Variants in NRXN1 observed in about 807,000 individuals in gnomAD.
NRXN1 encodes the protein neurexin-1.
A neutral mutation model predicts 150.9 loss-of-function variants in NRXN1; 39 were observed. That is an observed-to-expected ratio of 0.26 (90% CI 0.20 to 0.34). The LOEUF (loss-of-function observed/expected upper bound fraction) is 0.34, where lower values mean the gene tolerates loss of function less well. Ranked by LOEUF, NRXN1 falls within the 10% of genes least tolerant of loss-of-function variation. The pLI is 1.00. For missense variants in NRXN1, 1,815 were observed against 1,949.9 expected, an observed-to-expected ratio of 0.93 and a Z score of 1.30; for synonymous variants, 924 against 757.0, an observed-to-expected ratio of 1.22 and a Z score of -3.62.
intron 5 of NRXN1, among the ~76,000 whole-genome samples, chr2:50,794,106 T>C (rs1706447912): frequency 6.6e-6 from 1 of 152,206 alleles, no homozygotes; most frequent in South Asian, 2.1e-4. Context: ...ATGCCAATAG[T>C]TCTGAGGCTG....
intron 10 of NRXN1, among the ~76,000 whole-genome samples, chr2:50,532,700 C>A (rs1189926892): frequency 6.6e-6 from 1 of 151,988 alleles, no homozygotes; most frequent in Non-Finnish European, 1.5e-5. Flanking sequence ...TGTTACTAAA[C>A]TAAGGCAGAT....
At chr2:50,951,962 TA>T (rs1453427748) in intron 2 of NRXN1, among the ~76,000 whole-genome samples, 2,775 of 84,228 alleles carry the variant, frequency 0.033, 95 homozygotes, top group East Asian at 0.19. Flanking sequence ...TATATATATA[TA>T]TTTTTTTTTT....
chr2:50,759,362 TA>T (rs994826619), intron 5 of NRXN1, among the ~76,000 whole-genome samples: 1 of 151,880 alleles, frequency 6.6e-6, no homozygotes, highest in African/African-American at 2.4e-5. Context: ...AATATGTTCT[TA>T]AAAAGCCATG....
chr2:50,996,899 C>G (rs186487533), intron 2 of NRXN1, among the ~76,000 whole-genome samples: 1 of 152,048 alleles, frequency 6.6e-6, no homozygotes, highest in Admixed American at 6.6e-5. Context: ...GGGGAGTAAT[C>G]ATTCCACAGC....
chr2:50,908,384 C>CACA (rs1242069494), intron 5 of NRXN1, among the ~76,000 whole-genome samples: 16 of 151,622 alleles, frequency 1.1e-4, no homozygotes, highest in Admixed American at 9.2e-4. Flanking sequence ...CACACACACA[C>CACA]AACCACACCC....
rs75430501 is a variant in NRXN1, at chr2:50,652,988, C to A, written c.833-29373G>T. ...TGTTGTTTCTGTTTTATTTTGTTTT[C>A]ATTCCTCGTTTTAGTATTCCTTGAC... On this transcript the variant is annotated intron_variant, in intron 5 of 22. Coordinates refer to ENST00000401669, the MANE Select transcript of NRXN1 (RefSeq NM_001330078.2). Among the ~76,000 whole-genome samples the A allele has an allele frequency of 7.7e-4, 117 of 152,066 alleles. No individual in the cohort carries two copies. The East Asian group carries it at 0.021, about 27-fold the overall frequency.
chr2:50,192,747 C>T (rs2061525571), intron 18 of NRXN1, among the ~76,000 whole-genome samples: 2 of 152,086 alleles, frequency 1.3e-5, no homozygotes, highest in Non-Finnish European at 2.9e-5. Context: ...GCTGGGATTA[C>T]AGACATGCAC....
chr2:50,635,767 G>C (rs1215259876), intron 5 of NRXN1, among the ~76,000 whole-genome samples: 1 of 152,198 alleles, frequency 6.6e-6, no homozygotes, highest in Non-Finnish European at 1.5e-5. Context: ...GTAGATAAGG[G>C]AGGTGGGAAG....
chr2:50,302,963 A>G (rs1355219688), intron 17 of NRXN1, among the ~76,000 whole-genome samples: 1 of 152,142 alleles, frequency 6.6e-6, no homozygotes, highest in African/African-American at 2.4e-5. Flanking sequence ...TCATTTGTTC[A>G]TCCATCAACG....
chr2:50,369,085 G>A (rs751185131), intron 17 of NRXN1, among the ~76,000 whole-genome samples: 2 of 151,792 alleles, frequency 1.3e-5, no homozygotes, highest in Non-Finnish European at 1.5e-5. Context: ...ATAACTCATC[G>A]CCAAGTACCT....
intron 17 of NRXN1, among the ~76,000 whole-genome samples, chr2:50,377,138 G>A (rs1315688797): frequency 6.6e-6 from 1 of 151,956 alleles, no homozygotes; most frequent in African/African-American, 2.4e-5. Flanking sequence ...AGGATGTGCA[G>A]GTTTGTTATG....
intron 17 of NRXN1, among the ~76,000 whole-genome samples, chr2:50,309,894 C>G (rs573022343): frequency 6.6e-6 from 1 of 152,136 alleles, no homozygotes; most frequent in Admixed American, 6.6e-5. Flanking sequence ...GAGGTTCCTG[C>G]AAATAGACTC....
At chr2:50,094,821 G>A (rs1323197477) in intron 18 of NRXN1, among the ~76,000 whole-genome samples, 1 of 151,998 alleles carries the variant, frequency 6.6e-6, no homozygotes, top group East Asian at 1.9e-4. Context: ...ATGGTGAGGT[G>A]GGAATCCTAA....
intron 2 of NRXN1, among the ~76,000 whole-genome samples, chr2:50,935,678 G>T (rs1688434173): frequency 6.6e-6 from 1 of 151,872 alleles, no homozygotes; most frequent in Non-Finnish European, 1.5e-5. Context: ...AGTGAGCAGA[G>T]ATCACACCAC....
intron 8 of NRXN1, among the ~76,000 whole-genome samples, chr2:50,614,462 C>G (rs1018246379): frequency 6.6e-6 from 1 of 151,824 alleles, no homozygotes; most frequent in African/African-American, 2.4e-5. Context: ...CTCTATTCCT[C>G]TCTGAGCAAA....
chr2:50,645,539 T>C (rs774227451), intron 5 of NRXN1, among the ~76,000 whole-genome samples: 3 of 151,918 alleles, frequency 2.0e-5, no homozygotes, highest in East Asian at 1.9e-4. Flanking sequence ...GGGACTTTTG[T>C]TGTTATGGTA....
intron 18 of NRXN1, among the ~76,000 whole-genome samples, chr2:50,135,070 C>A (rs976874652): frequency 6.6e-6 from 1 of 152,178 alleles, no homozygotes; most frequent in Admixed American, 6.5e-5. Flanking sequence ...GCCTTTCTTG[C>A]ACAGCTTCTC....
chr2:50,044,066 G>T (rs1691433044), intron 21 of NRXN1, among the ~76,000 whole-genome samples: 1 of 152,114 alleles, frequency 6.6e-6, no homozygotes, highest in African/African-American at 2.4e-5. Context: ...TGTGCCAGAT[G>T]CTATGCCATG....
At chr2:50,426,055 C>T (rs2084455776) in intron 17 of NRXN1, among the ~76,000 whole-genome samples, 1 of 152,200 alleles carries the variant, frequency 6.6e-6, no homozygotes, top group Non-Finnish European at 1.5e-5. Context: ...GTACCTACAG[C>T]TTTTGTGATA....
Sources: gnomAD v4.1 joint callset for allele counts (sites outside exome capture counted in the v4.1 genomes callset) on GRCh38, gnomAD v4.1.1 for gene constraint, MANE v1.5 for transcripts, NCBI Gene and HGNC (gene_info 2026-07-23, HGNC 2026-07-21) for gene names.